The following STXBP5 variants were observed in gnomAD, a reference collection of about 807,000 sequenced individuals.
STXBP5 encodes the protein syntaxin binding protein 5.
Under a neutral mutation model 152.4 loss-of-function variants are expected in STXBP5, and 50 were observed. The ratio of observed to expected loss-of-function variants is 0.33; its 90% CI spans 0.26 to 0.42. The LOEUF (loss-of-function observed/expected upper bound fraction) is 0.42. Among genes scored for constraint, STXBP5 ranks in the 10% least tolerant of loss-of-function variants. STXBP5 has a pLI of 1.00. For synonymous variants in STXBP5, 492 were observed against 494.7 expected (o/e 0.99, Z 0.07); for missense variants, 1,167 against 1,388.6 (o/e 0.84, Z 2.54).
At chr6:147,218,462 A>G (rs1046513478) in intron 2 of STXBP5, among the ~76,000 whole-genome samples, 4 of 152,140 alleles carry the variant, frequency 2.6e-5, no homozygotes, top group African/African-American at 9.7e-5. Flanking sequence ...TATATAAGAA[A>G]ATGAATGACT....
chr6:147,268,523 A>G (rs941196936), intron 7 of STXBP5, among the ~76,000 whole-genome samples: 6 of 152,198 alleles, frequency 3.9e-5, no homozygotes, highest in African/African-American at 1.4e-4. Context: ...CATGACTGAA[A>G]GGGAATTCCC....
chr6:147,311,216 A>T (rs1005395224), intron 10 of STXBP5, among the ~76,000 whole-genome samples: 1 of 152,176 alleles, frequency 6.6e-6, no homozygotes, highest in Non-Finnish European at 1.5e-5. Context: ...GAAATTTGCA[A>T]TGCCATAGAA....
At chr6:147,263,342 CTTTTTTTT>C (rs1029110765) in intron 6 of STXBP5, among the ~76,000 whole-genome samples, 1 of 128,828 alleles carries the variant, frequency 7.8e-6, no homozygotes, top group African/African-American at 2.8e-5. Flanking sequence ...TTCTTTCTTT[CTTTTTTTT>C]TTTTTTTTTT....
chr6:147,277,908 ATAAAAT>A (rs1780523481), intron 7 of STXBP5, among the ~76,000 whole-genome samples, 167 bp from the exon 8 acceptor site: 1 of 152,236 alleles, frequency 6.6e-6, no homozygotes, highest in Admixed American at 6.5e-5. Flanking sequence ...ATATGAAGAA[ATAAAAT>A]CTCATTTGTA....
intron 4 of STXBP5, among the ~76,000 whole-genome samples, chr6:147,249,355 A>T (rs957328538): frequency 3.3e-5 from 5 of 152,198 alleles, no homozygotes; most frequent in Non-Finnish European, 7.3e-5. Flanking sequence ...CTTCGCAGTG[A>T]GTAGAACCTG....
chr6:147,288,716 A>G (rs1051759856), intron 8 of STXBP5, among the ~76,000 whole-genome samples: 1 of 152,170 alleles, frequency 6.6e-6, no homozygotes, highest in African/African-American at 2.4e-5. Context: ...TCAACTGAGG[A>G]GCATAAAGAA....
At chr6:147,339,067 G>A (rs1040425459) in intron 19 of STXBP5, 112 bp from the exon 20 acceptor site, 4 of 879,704 alleles carry the variant, frequency 4.5e-6, no homozygotes, top group South Asian at 1.7e-5. Flanking sequence ...TCACTAACAT[G>A]ATAACTTGTT....
At position 147,366,487 on chromosome 6, in the gene STXBP5, C is replaced by T. The variant is rs147250077; in HGVS notation, c.3081+2321C>T. Among the ~76,000 whole-genome samples, 31 of 152,292 alleles carry T rather than the reference C, an allele frequency of 2.0e-4. No individual in the cohort carries two copies. In the East Asian group the frequency reaches 5.8e-3, roughly 29 times the overall value. ...TCAATGTGCTAGCAGGGTCTTGCTC[C>T]CTCCAGAGGCTCTAAAAGATAATTA... On this transcript the variant is annotated intron_variant, in intron 25 of 27. Coordinates refer to ENST00000321680, the MANE Select transcript of STXBP5 (RefSeq NM_001127715.4).
At chr6:147,347,214 C>A (rs901757431) in intron 21 of STXBP5, among the ~76,000 whole-genome samples, 1 of 151,782 alleles carries the variant, frequency 6.6e-6, no homozygotes, top group Non-Finnish European at 1.5e-5. Flanking sequence ...AAATTAAACG[C>A]CAAGTTAATA....
At chr6:147,239,904 A>G (rs887382112) in intron 4 of STXBP5, among the ~76,000 whole-genome samples, 1 of 151,136 alleles carries the variant, frequency 6.6e-6, no homozygotes, top group Non-Finnish European at 1.5e-5. Context: ...TTTCACCCCA[A>G]TTTGATTAAT....
chr6:147,265,888 A>G (rs867124804), intron 6 of STXBP5, among the ~76,000 whole-genome samples: 1 of 151,950 alleles, frequency 6.6e-6, no homozygotes, highest in South Asian at 2.1e-4. Flanking sequence ...CCATTATTAT[A>G]TTGTGTGGTG....
chr6:147,315,783 T>C, intron 15 of STXBP5, 48 bp downstream of exon 15: 1 of 1,543,926 alleles, frequency 6.5e-7, no homozygotes, highest in Non-Finnish European at 8.9e-7. Context: ...TTCATCCACA[T>C]TTTTAAATTT....
At position 147,316,369 on chromosome 6, in the gene STXBP5, T is replaced by C; in HGVS notation, c.1764T>C (p.Ser588=). 1 of 1,586,766 alleles carries C rather than the reference T, an allele frequency of 6.3e-7. No individual in the cohort carries two copies. The highest frequency in any genetic ancestry group is 1.7e-4 in the Middle Eastern group (1 of 5,902). Residue 588 remains serine (S), a synonymous_variant, in exon 16 of 28, where the codon AGT becomes AGC. Transcript: ENST00000321680. ...AGTCTCATCCATCTACCAGTAGCAG[T>C]TCATCTGATGGGCTTCGTGATAATG... ...PPQSHPSTSS[S]SSDGLRDNVP... is the part of the protein sequence containing the mutation.
intron 21 of STXBP5, among the ~76,000 whole-genome samples, chr6:147,343,227 C>T (rs955037401): frequency 2.0e-5 from 3 of 152,028 alleles, no homozygotes; most frequent in Non-Finnish European, 4.4e-5. Flanking sequence ...TTTATCTCTC[C>T]AATTCTGAGT....
chr6:147,347,171 C>G (rs908895369), intron 21 of STXBP5, among the ~76,000 whole-genome samples: 4 of 152,092 alleles, frequency 2.6e-5, no homozygotes. Context: ...CCAATGATCT[C>G]AAGTCTTTGT....
rs200842663 is a variant in STXBP5, at chr6:147,277,850, A to G, written c.715-231A>G. On this transcript the variant is annotated intron_variant, in intron 7 of 27. Coordinates refer to ENST00000321680, the MANE Select transcript of STXBP5 (RefSeq NM_001127715.4). ...TAGATGTCACTATCATGCCTTCTTT[A>G]TGCTGATTTAAGGAGTAAAGTAAGT... Among the ~76,000 whole-genome samples, 7 of 152,246 alleles carry G rather than the reference A, an allele frequency of 4.6e-5. No homozygotes were observed. The East Asian group carries it at 1.2e-3, about 25-fold the overall frequency.
At chr6:147,224,757 C>G (rs116394164) in intron 2 of STXBP5, among the ~76,000 whole-genome samples, 1 of 152,112 alleles carries the variant, frequency 6.6e-6, no homozygotes, top group Non-Finnish European at 1.5e-5. Context: ...TGATGATGCT[C>G]AATTTTTTTA....
At chr6:147,245,492 G>A (rs1427997899) in intron 4 of STXBP5, among the ~76,000 whole-genome samples, 1 of 152,130 alleles carries the variant, frequency 6.6e-6, no homozygotes, top group African/African-American at 2.4e-5. Context: ...AGTAGCTACA[G>A]CATCTCAATC....
Position 147,359,107 on chromosome 6 carries a change from C to T in STXBP5, c.2329C>T (p.Arg777Ter). The change falls in exon 23 of 28, where the codon CGA becomes TGA. Residue 777 changes from arginine (R) to a stop codon, truncating the protein, a stop_gained. Coordinates refer to ENST00000321680, the MANE Select transcript of STXBP5 (RefSeq NM_001127715.4). LOFTEE classifies it high-confidence loss of function. ...AGATGTAAAGGATAACTCCTTTAGC[C>T]GATCACGGAGTTCAAGTGTAACAAG... ...DLDVKDNSFS[R>*]SRSSSVTSID... The T allele has an allele frequency of 6.2e-7, 1 of 1,613,836 alleles. No individual in the cohort carries two copies. The highest frequency in any genetic ancestry group is 8.5e-7 in the Non-Finnish European group (1 of 1,179,852).
Sources: allele counts gnomAD v4.1 joint callset (sites outside exome capture counted in the v4.1 genomes callset), GRCh38; gene constraint gnomAD v4.1.1; transcripts MANE v1.5; gene names NCBI Gene and HGNC (gene_info 2026-07-23, HGNC 2026-07-21).